The following WAPL variants were observed in gnomAD, a reference collection of about 807,000 sequenced individuals.
WAPL encodes wings apart-like protein homolog.
A neutral mutation model predicts 121.0 loss-of-function variants in WAPL; 5 were observed. The ratio of observed to expected loss-of-function variants is 0.04; its 90% confidence interval spans 0.02 to 0.09. WAPL has a LOEUF of 0.09. Among genes scored for constraint, WAPL ranks in the 10% least tolerant of loss-of-function variants. The pLI is 1.00. For missense variants in WAPL, 999 were observed against 1,410.8 expected, an observed-to-expected ratio of 0.71 and a Z score of 4.68; for synonymous variants, 480 against 481.5, an observed-to-expected ratio of 1.00 and a Z score of 0.04.
chr10:86,449,289 A>G (rs1840910260), intron 15 of WAPL, among the ~76,000 whole-genome samples: 1 of 152,248 alleles, frequency 6.6e-6, no homozygotes, highest in Non-Finnish European at 1.5e-5. Context: ...ATCTTTGAAT[A>G]ACAGAATTAA....
At position 86,500,073 on chromosome 10, in the gene WAPL, T is replaced by C. The variant is rs748871452; in HGVS notation, c.1170A>G (p.Ala390=). Reference sequence around the variant, plus strand: ...TGAGACGACCAGCTTCTCCCAAATCTGCAGGAGTGGATGCAGTGAACTCAT... The same window carrying C: ...TGAGACGACCAGCTTCTCCCAAATCCGCAGGAGTGGATGCAGTGAACTCAT... ...SMDEFTASTP[A]DLGEAGRLRK... is the part of the protein sequence containing the mutation. Residue 390 remains alanine (A), a synonymous_variant, in exon 3 of 19, where the codon GCA becomes GCG. Coordinates refer to ENST00000298767, the MANE Select transcript of WAPL (RefSeq NM_015045.5). The C allele has an allele frequency of 6.2e-7, 1 of 1,614,206 alleles. No individual in the cohort carries two copies. Among genetic ancestry groups the C allele is most frequent in the Non-Finnish European group, 8.5e-7 (1 of 1,180,038 alleles).
chr10:86,486,683 T>C (rs1841936523), intron 4 of WAPL, among the ~76,000 whole-genome samples: 1 of 152,154 alleles, frequency 6.6e-6, no homozygotes, highest in Non-Finnish European at 1.5e-5. Flanking sequence ...AGGCTGGGCA[T>C]GATGGCTTAT....
At chr10:86,494,803 T>C (rs1486393901) in intron 4 of WAPL, among the ~76,000 whole-genome samples, 1 of 152,192 alleles carries the variant, frequency 6.6e-6, no homozygotes, top group Non-Finnish European at 1.5e-5. Context: ...ACATTCCAAG[T>C]TGCAACTAAT....
At chr10:86,452,637 A>C (rs1342431841) in intron 14 of WAPL, among the ~76,000 whole-genome samples, 2 of 152,040 alleles carry the variant, frequency 1.3e-5, no homozygotes, top group African/African-American at 2.4e-5. Flanking sequence ...AAACAAAAAA[A>C]CCACCGATTT....
chr10:86,498,661 G>C (rs930655565), intron 3 of WAPL, among the ~76,000 whole-genome samples: 1 of 152,076 alleles, frequency 6.6e-6, no homozygotes, highest in African/African-American at 2.4e-5. Flanking sequence ...ACTATATTTG[G>C]TTAAGAAACC....
intron 17 of WAPL, among the ~76,000 whole-genome samples, chr10:86,441,403 G>C (rs542379710): frequency 1.3e-5 from 2 of 152,232 alleles, no homozygotes; most frequent in Admixed American, 6.5e-5. Flanking sequence ...TCCACTCACA[G>C]TAATCCCATG....
chr10:86,454,964 C>T (rs1290396721), intron 12 of WAPL, among the ~76,000 whole-genome samples: 3 of 151,010 alleles, frequency 2.0e-5, no homozygotes, highest in African/African-American at 7.3e-5. Context: ...GCCCGGCAGC[C>T]GCCCGGTCTG....
At chr10:86,468,780 T>C (rs1001316222) in intron 8 of WAPL, among the ~76,000 whole-genome samples, 1 of 151,744 alleles carries the variant, frequency 6.6e-6, no homozygotes, top group East Asian at 1.9e-4. Context: ...CCTGACAACA[T>C]GGTGAAACCC....
chr10:86,469,083 G>A lies in WAPL; in HGVS notation c.2143-1577C>T, dbSNP rs552932814. On this transcript the variant is annotated intron_variant, in intron 8 of 18. Coordinates refer to ENST00000298767, the MANE Select transcript of WAPL (RefSeq NM_015045.5). The stretch of plus-strand genomic sequence containing the variant: ...TGTGTCACTGCACTCCAGCCTGGGC[G>A]ACAGAGCAAGACTCTCTCAAAATAA... Among the ~76,000 whole-genome samples, 10 of 151,828 alleles carry A rather than the reference G, an allele frequency of 6.6e-5. No individual in the cohort carries two copies. The East Asian group carries it at 1.2e-3, about 18-fold the overall frequency.
chr10:86,452,225 G>T, intron 14 of WAPL, 94 bp from the exon 15 acceptor site: 2 of 1,169,384 alleles, frequency 1.7e-6, no homozygotes, highest in South Asian at 1.8e-5. Flanking sequence ...CTAAAAAGCT[G>T]AATATCAGTG....
intron 9 of WAPL, chr10:86,467,050 A>C: frequency 2.1e-6 from 1 of 473,308 alleles, no homozygotes; most frequent in Non-Finnish European, 3.8e-6. Context: ...AAAATGCAAC[A>C]GAAAATGTGC....
intron 4 of WAPL, among the ~76,000 whole-genome samples, chr10:86,494,119 C>T (rs1046084544): frequency 3.9e-5 from 6 of 152,168 alleles, no homozygotes; most frequent in African/African-American, 9.7e-5. Context: ...AAAGGTAGGA[C>T]TTCTAACTGC....
chr10:86,506,257 C>T (rs1374582533), intron 2 of WAPL, among the ~76,000 whole-genome samples: 4 of 151,904 alleles, frequency 2.6e-5, no homozygotes, highest in Admixed American at 1.3e-4. Flanking sequence ...AACAAACAAA[C>T]AAACAAAATA....
intron 4 of WAPL, among the ~76,000 whole-genome samples, chr10:86,495,180 A>C (rs1282237785): frequency 6.6e-6 from 1 of 152,240 alleles, no homozygotes; most frequent in Non-Finnish European, 1.5e-5. Context: ...AAAAAAGGCG[A>C]AGTCAAATTA....
chr10:86,504,690 T>A (rs927017424), intron 2 of WAPL, among the ~76,000 whole-genome samples: 6 of 151,560 alleles, frequency 4.0e-5, no homozygotes, highest in Middle Eastern at 3.4e-3. Flanking sequence ...GACATAGCAG[T>A]ACGTGCTTAT....
At chr10:86,459,942 C>T (rs1343676779) in intron 11 of WAPL, among the ~76,000 whole-genome samples, 5 of 152,018 alleles carry the variant, frequency 3.3e-5, no homozygotes, top group African/African-American at 9.7e-5. Flanking sequence ...GGCAAAACCC[C>T]GACTCTACTA....
rs531404303 is a variant in WAPL at position 86,505,300 on chromosome 10, CTTTTTTTTTTTTT to C, written c.500-4570_500-4558del. Among the ~76,000 whole-genome samples the C allele has an allele frequency of 2.2e-4, 10 of 44,644 alleles. 1 individual carries two copies. Among genetic ancestry groups the C allele is most frequent in the South Asian group, 9.3e-4 (1 of 1,076 alleles). 29.3% of individuals were successfully genotyped at this position (44,644 alleles called of 152,430 possible). On this transcript the variant is annotated intron_variant, in intron 2 of 18. Coordinates refer to ENST00000298767, the MANE Select transcript of WAPL (RefSeq NM_015045.5). Reference sequence around the variant, plus strand: ...CAAGCTTCAGCCACAGTGCCCAACTCTTTTTTTTTTTTTTTTTTTTTTTTTGGAGACAGAGTCT... The same window carrying C: ...CAAGCTTCAGCCACAGTGCCCAACTCTTTTTTTTTTTTGGAGACAGAGTCT...
intron 16 of WAPL, among the ~76,000 whole-genome samples, chr10:86,445,418 C>G (rs556402088): frequency 6.6e-6 from 1 of 152,154 alleles, no homozygotes; most frequent in South Asian, 2.1e-4. Flanking sequence ...TACAAAGTTA[C>G]AAATGGCTAT....
At chr10:86,485,944 C>T (rs1258824437) in intron 4 of WAPL, among the ~76,000 whole-genome samples, 1 of 152,312 alleles carries the variant, frequency 6.6e-6, no homozygotes, top group East Asian at 1.9e-4. Flanking sequence ...CTCTTCCATA[C>T]CTAGGCCCAG....
Sources: gnomAD v4.1 joint callset for allele counts (sites outside exome capture counted in the v4.1 genomes callset) on GRCh38, gnomAD v4.1.1 for gene constraint, MANE v1.5 for transcripts, NCBI Gene and HGNC (gene_info 2026-07-23, HGNC 2026-07-21) for gene names.